Variants in SEPSECS observed in about 807,000 individuals in gnomAD.
SEPSECS encodes Sep (O-phosphoserine) tRNA:Sec (selenocysteine) tRNA synthase.
A neutral mutation model predicts 52.1 loss-of-function variants in SEPSECS; 42 were observed. The observed-to-expected ratio is 0.81, with a 90% CI of 0.63 to 1.04. SEPSECS has a LOEUF of 1.04. Among genes scored for constraint, SEPSECS ranks in the 50% least tolerant of loss-of-function variants. The pLI, the probability that SEPSECS is intolerant of heterozygous loss-of-function variation, is 0.00. For synonymous variants in SEPSECS, 216 were observed against 211.4 expected (o/e 1.02, Z -0.19); for missense variants, 590 against 610.6 (o/e 0.97, Z 0.36).
In SEPSECS at chr4:25,158,940, TAAAAA is replaced by T; in HGVS notation, c.269+8_269+12del. ...TAAACGATGTATCTCCTGTACTACT[TAAAAA>T]AAGATACCTGTAATGACGACGAGCA... On this transcript the variant is annotated splice_region_variant and intron_variant, in intron 2 of 10. Coordinates refer to ENST00000382103, the MANE Select transcript of SEPSECS (RefSeq NM_016955.4). The T allele has an allele frequency of 6.2e-7, 1 of 1,612,584 alleles. No homozygotes were observed.
intron 8 of SEPSECS, among the ~76,000 whole-genome samples, chr4:25,134,548 G>T (rs1728754765): frequency 6.6e-6 from 1 of 151,980 alleles, no homozygotes; most frequent in Admixed American, 6.6e-5. Context: ...TTCCAAGGGG[G>T]CATTATTCTA....
At chr4:25,136,989 T>C (rs893043052) in intron 8 of SEPSECS, among the ~76,000 whole-genome samples, 1 of 152,136 alleles carries the variant, frequency 6.6e-6, no homozygotes, top group Non-Finnish European at 1.5e-5. Context: ...TAATAAATGG[T>C]GCTGGGAAAA....
chr4:25,145,233 TTAATA>T (rs1711890764), intron 6 of SEPSECS, 100 bp from the exon 7 acceptor site: 14 of 1,226,206 alleles, frequency 1.1e-5, no homozygotes, highest in South Asian at 3.8e-5. Flanking sequence ...TTTGAGTTAA[TTAATA>T]TATTAGCCTG....
At chr4:25,147,981 CTTATT>C (rs1003204095) in intron 6 of SEPSECS, among the ~76,000 whole-genome samples, 36 of 152,238 alleles carry the variant, frequency 2.4e-4, no homozygotes, top group African/African-American at 8.4e-4. Context: ...CTTAATCCCA[CTTATT>C]TTATTTCCCC....
intron 10 of SEPSECS, 25 bp from the exon 11 acceptor site, chr4:25,124,250 T>A: frequency 6.2e-7 from 1 of 1,605,438 alleles, no homozygotes; most frequent in Non-Finnish European, 8.5e-7. Flanking sequence ...ATTTACCAAT[T>A]TAATATGTCT....
chr4:25,160,556 G>A, upstream of SEPSECS: 3 of 519,784 alleles, frequency 5.8e-6, no homozygotes, highest in Non-Finnish European at 1.0e-5. Context: ...TTCTCAGATG[G>A]CGCTCCAGGA....
chr4:25,150,092 T>A (rs1044172226), intron 6 of SEPSECS, among the ~76,000 whole-genome samples: 2 of 152,200 alleles, frequency 1.3e-5, no homozygotes, highest in Admixed American at 1.3e-4. Flanking sequence ...GTGATTACTA[T>A]TTCATATAAA....
At chr4:25,157,205 T>A (rs1335158745) in intron 2 of SEPSECS, among the ~76,000 whole-genome samples, 1 of 152,220 alleles carries the variant, frequency 6.6e-6, no homozygotes, top group Non-Finnish European at 1.5e-5. Context: ...CAATTCTTTT[T>A]CTCCCTATGC....
chr4:25,125,398 A>G, intron 10 of SEPSECS: 1 of 325,344 alleles, frequency 3.1e-6, no homozygotes, highest in Non-Finnish European at 5.7e-6. Flanking sequence ...GCTGAAGATC[A>G]TCTAACAAAG....
At position 25,122,111 on chromosome 4, in the gene SEPSECS, C is replaced by T. The variant is rs1396868485; in HGVS notation, c.*1820G>A. The T allele has an allele frequency of 6.6e-6, 1 of 152,098 alleles. No individual in the cohort carries two copies. Among genetic ancestry groups the T allele is most frequent in the Non-Finnish European group, 1.5e-5 (1 of 68,000 alleles). 9.4% of individuals were successfully genotyped at this position (152,098 alleles called of 1,614,324 possible). A position where few individuals can be genotyped will look rare whatever the true frequency, so the allele number is the denominator to read the frequency against. On this transcript the variant is annotated 3_prime_UTR_variant, in exon 11 of 11. Coordinates refer to ENST00000382103, the MANE Select transcript of SEPSECS (RefSeq NM_016955.4). The stretch of plus-strand genomic sequence containing the variant: ...TCATGAAAAATTTACACTTTTTAAT[C>T]CAGCATTTATTCCCTTGAAATGAGT...
At chr4:25,138,375 T>C (rs1419457490) in intron 8 of SEPSECS, among the ~76,000 whole-genome samples, 1 of 151,928 alleles carries the variant, frequency 6.6e-6, no homozygotes, top group Non-Finnish European at 1.5e-5. Flanking sequence ...ATCCCAACAC[T>C]TTGGGAGGCC....
rs754660475 is a variant in SEPSECS at position 25,160,247 on chromosome 4, G to C, written c.114+9C>G. 45 of 1,552,532 alleles carry C rather than the reference G, an allele frequency of 2.9e-5. No homozygotes were observed. Among genetic ancestry groups the C allele is most frequent in the Non-Finnish European group, 3.9e-5 (45 of 1,147,366 alleles). On this transcript the variant is annotated intron_variant, in intron 1 of 10. Transcript: ENST00000382103. The stretch of plus-strand genomic sequence containing the variant: ...GCGGCGGCTGGGGAGGGGACCGACA[G>C]CTCGGTACCTTCTCCAGAAGCAGCC...
At chr4:25,155,968 A>C in intron 4 of SEPSECS, 69 bp downstream of exon 4, 1 of 1,411,580 alleles carries the variant, frequency 7.1e-7, no homozygotes, top group South Asian at 1.2e-5. Flanking sequence ...TCATTTATCT[A>C]TCTTTATATA....
At chr4:25,155,440 T>C (rs10022776) in intron 4 of SEPSECS, among the ~76,000 whole-genome samples, 20 of 152,330 alleles carry the variant, frequency 1.3e-4, no homozygotes, top group Admixed American at 3.3e-4. Context: ...TAGATATCTA[T>C]AGAAGTAATA....
chr4:25,124,003 A>G lies in SEPSECS; in HGVS notation c.1434T>C (p.Asp478=), dbSNP rs1368262925. The G allele has an allele frequency of 6.2e-7, 1 of 1,613,460 alleles. No homozygotes were observed. Among genetic ancestry groups the G allele is most frequent in the Non-Finnish European group, 8.5e-7 (1 of 1,179,500 alleles). The change falls in exon 11 of 11, where the codon GAT becomes GAC. Residue 478 remains aspartate, a synonymous_variant. Coordinates refer to ENST00000382103, the MANE Select transcript of SEPSECS (RefSeq NM_016955.4). ...TTAAAGCCATTTCTTCAATATCCAC[A>G]TCTTCAGTTTTGTCATAATTGTCAT... The part of the protein sequence containing the change: ...ESDDNYDKTE[D]VDIEEMALKL...
intron 8 of SEPSECS, among the ~76,000 whole-genome samples, chr4:25,136,853 G>A (rs548752397): frequency 6.6e-6 from 1 of 152,108 alleles, no homozygotes; most frequent in African/African-American, 2.4e-5. Flanking sequence ...CATGGTACTG[G>A]TACAAAAACA....
chr4:25,155,153 T>C lies in SEPSECS; in HGVS notation c.548-2A>G. ...TTTCTATCACCACAGGCTCAAAACCTAACCAAACCAACCAGAAAACAAAAT... is the reference window on the plus strand; with the variant it reads ...TTTCTATCACCACAGGCTCAAAACCCAACCAAACCAACCAGAAAACAAAAT... On this transcript the variant is annotated splice_acceptor_variant, in intron 4 of 10. Coordinates refer to ENST00000382103, the MANE Select transcript of SEPSECS (RefSeq NM_016955.4). LOFTEE classifies it high-confidence loss of function. 6.2e-7 allele frequency: 1 copy of C among 1,613,996 alleles called. No individual in the cohort carries two copies. Among genetic ancestry groups the C allele is most frequent in the Non-Finnish European group, 8.5e-7 (1 of 1,179,978 alleles).
intron 8 of SEPSECS, among the ~76,000 whole-genome samples, chr4:25,134,888 A>C (rs1187001701): frequency 1.3e-5 from 2 of 152,168 alleles, no homozygotes; most frequent in Non-Finnish European, 2.9e-5. Context: ...ACACAACTAA[A>C]TTATAACTCA....
At position 25,144,726 on chromosome 4, in the gene SEPSECS, C is replaced by T. The variant is rs772729004; in HGVS notation, c.1026+48G>A. On this transcript the variant is annotated intron_variant, in intron 8 of 10. Transcript: ENST00000382103. ...GGCAGAAAACACCAATGATTTGGAG[C>T]ACAGTTCTAGTCAAGAATGTTATTC... 13 of 1,306,466 alleles carry T rather than the reference C, an allele frequency of 1.0e-5. No homozygotes were observed. The South Asian group carries it at 1.5e-4, about 15-fold the overall frequency. The allele number at this position is 1,306,466 out of a possible 1,614,324, so 80.9% of individuals were successfully genotyped here.
Sources: allele counts gnomAD v4.1 joint callset (sites outside exome capture counted in the v4.1 genomes callset), GRCh38; gene constraint gnomAD v4.1.1; transcripts MANE v1.5; gene names NCBI Gene and HGNC (gene_info 2026-07-23, HGNC 2026-07-21).